The following CDCA5 variants were observed in gnomAD, a reference collection of about 807,000 sequenced individuals.
CDCA5 encodes sororin.
Under a neutral mutation model 25.7 loss-of-function variants are expected in CDCA5, and 14 were observed. The observed-to-expected ratio is 0.54, with a 90% CI of 0.36 to 0.85. The LOEUF (loss-of-function observed/expected upper bound fraction) is 0.85, where lower values mean the gene tolerates loss of function less well. CDCA5 is among the 40% of genes least tolerant of loss of function. CDCA5 has a pLI of 0.01. For missense variants in CDCA5, 307 were observed against 324.5 expected (o/e 0.95, Z 0.41); for synonymous variants, 127 against 128.7 (o/e 0.99, Z 0.09).
chr11:65,082,383 C>T (rs1352797151), intron 4 of CDCA5, among the ~76,000 whole-genome samples: 1 of 152,076 alleles, frequency 6.6e-6, no homozygotes, highest in Non-Finnish European at 1.5e-5. Flanking sequence ...AATTGCTATT[C>T]CCCGAACCTT....
exon 6 of CDCA5, chr11:65,066,560 A>G (rs929363700): frequency 3.7e-5 from 48 of 1,289,160 alleles, no homozygotes; most frequent in Non-Finnish European, 4.9e-5. Flanking sequence ...ACCTGAGCAG[A>G]GCCACCTCCG....
chr11:65,068,176 C>T, intron 2 of CDCA5: 1 of 1,106,146 alleles, frequency 9.0e-7, no homozygotes, highest in Non-Finnish European at 1.2e-6. Context: ...ACCCAAGAGC[C>T]TGGGTCCTCC....
rs1401292868 is a variant in CDCA5 at position 65,078,116 on chromosome 11, G to A, written c.*991C>T. ...CCCCCGCCGCTGTCTGGTACGCGAG[G>A]AAACTTTCCGAGGACTTTACAAGCA... On this transcript the variant is annotated 3_prime_UTR_variant, in exon 6 of 6. Transcript: ENST00000275517. 2 of 985,442 alleles carry A rather than the reference G, an allele frequency of 2.0e-6. No individual in the cohort carries two copies. Among genetic ancestry groups the A allele is most frequent in the South Asian group, 4.7e-5 (1 of 21,288 alleles). The allele number at this position is 985,442 out of a possible 1,614,324, so 61.0% of individuals were successfully genotyped here. A position where few individuals can be genotyped will look rare whatever the true frequency, so the allele number is the denominator to read the frequency against.
downstream of CDCA5, among the ~76,000 whole-genome samples, chr11:65,062,712 G>A (rs758236133): frequency 6.6e-6 from 1 of 152,082 alleles, no homozygotes; most frequent in Non-Finnish European, 1.5e-5. Flanking sequence ...CAGGAAGATC[G>A]CTTGAGTCCA....
downstream of CDCA5, among the ~76,000 whole-genome samples, chr11:65,073,514 G>A (rs114326153): frequency 8.2e-3 from 1,249 of 152,274 alleles, 17 homozygotes; most frequent in African/African-American, 0.028. Context: ...TGACGCAGGA[G>A]TGGGGAAAGA....
chr11:65,072,145 G>A lies in CDCA5; in HGVS notation c.64-3544C>T, dbSNP rs1297091212. On this transcript the variant is annotated intron_variant, in intron 1 of 6. Transcript: ENST00000525464. ...TGACATCAACCTCCTGACCAACTCC[G>A]TTAGAGAGATGGAATTGGCCTCACT... is the stretch of plus-strand genomic sequence containing the variant. Among the ~76,000 whole-genome samples, 6 of 152,226 alleles carry A rather than the reference G, an allele frequency of 3.9e-5. No homozygotes were observed. The South Asian group carries it at 8.3e-4, about 21-fold the overall frequency.
chr11:65,072,413 G>T (rs114000832), intron 1 of CDCA5, among the ~76,000 whole-genome samples: 35 of 152,224 alleles, frequency 2.3e-4, no homozygotes, highest in Admixed American at 2.1e-3. Context: ...GCTGTGTGGG[G>T]AACTGCCCTG....
downstream of CDCA5, among the ~76,000 whole-genome samples, chr11:65,072,798 A>G (rs141205576): frequency 6.6e-6 from 1 of 152,312 alleles, no homozygotes; most frequent in African/African-American, 2.4e-5. Flanking sequence ...CAGAGCAGAC[A>G]GAATGGAGCT....
chr11:65,068,677 T>C (rs1179282542), intron 1 of CDCA5: 2 of 903,122 alleles, frequency 2.2e-6, no homozygotes, highest in Non-Finnish European at 3.1e-6. Flanking sequence ...GTCTGGTTTT[T>C]AGGGGGCGGC....
At chr11:65,063,860 C>A (rs1009235976), downstream of CDCA5, among the ~76,000 whole-genome samples, 1 of 152,192 alleles carries the variant, frequency 6.6e-6, no homozygotes, top group Non-Finnish European at 1.5e-5. Flanking sequence ...TGCTGTGGGA[C>A]CTTCCTTGAC....
chr11:65,068,135 C>T (rs1947275689), intron 2 of CDCA5: 1 of 1,282,124 alleles, frequency 7.8e-7, no homozygotes, highest in Non-Finnish European at 1.0e-6. Flanking sequence ...AGAGAAAGCG[C>T]CAAGGTGACT....
At chr11:65,067,324 G>A (rs1245256281) in intron 4 of CDCA5, among the ~76,000 whole-genome samples, 1 of 152,190 alleles carries the variant, frequency 6.6e-6, no homozygotes, top group African/African-American at 2.4e-5. Context: ...ATGAATGGGA[G>A]AGCTGATCAC....
intron 4 of CDCA5, among the ~76,000 whole-genome samples, chr11:65,080,466 T>C (rs1947542869): frequency 6.6e-6 from 1 of 152,082 alleles, no homozygotes. Context: ...CAGGCTGGAG[T>C]GCAGTGGCAC....
Position 65,078,471 on chromosome 11 carries a change from T to C in CDCA5, c.*636A>G. On this transcript the variant is annotated 3_prime_UTR_variant, in exon 6 of 6. Coordinates refer to ENST00000275517, the MANE Select transcript of CDCA5 (RefSeq NM_080668.4). ...ACACAGCTTCTGTGTAGTACACACT[T>C]ATGGTCTGAGACCCAACTAAGGCTC... The C allele has an allele frequency of 1.0e-6, 1 of 985,560 alleles. No individual in the cohort carries two copies. Among genetic ancestry groups the C allele is most frequent in the Non-Finnish European group, 1.2e-6 (1 of 829,978 alleles). The allele number at this position is 985,560 out of a possible 1,614,324, so 61.1% of individuals were successfully genotyped here.
intron 1 of CDCA5, among the ~76,000 whole-genome samples, chr11:65,069,683 T>C (rs1340521896): frequency 6.6e-6 from 1 of 152,082 alleles, no homozygotes; most frequent in Non-Finnish European, 1.5e-5. Context: ...ATAAAAGTAA[T>C]TCACATGGAC....
chr11:65,067,473 G>A (rs1182395667), intron 4 of CDCA5, among the ~76,000 whole-genome samples: 1 of 152,172 alleles, frequency 6.6e-6, no homozygotes, highest in Non-Finnish European at 1.5e-5. Context: ...TCCAGAGCCC[G>A]ACATCCAGAG....
At chr11:65,062,167 G>A (rs966878935), downstream of CDCA5, among the ~76,000 whole-genome samples, 9 of 152,096 alleles carry the variant, frequency 5.9e-5, no homozygotes, top group African/African-American at 9.7e-5. Flanking sequence ...TGATCCGCCC[G>A]CCTTGGCCTC....
At chr11:65,061,317 C>T (rs1201081933), downstream of CDCA5, among the ~76,000 whole-genome samples, 1 of 152,174 alleles carries the variant, frequency 6.6e-6, no homozygotes, top group African/African-American at 2.4e-5. Flanking sequence ...CCAGCCAAGC[C>T]GTCAGAATAC....
At position 65,068,040 on chromosome 11, in the gene CDCA5, T is replaced by A; in HGVS notation, c.256A>T (p.Lys86Ter). The A allele has an allele frequency of 7.8e-7, 1 of 1,289,168 alleles. No homozygotes were observed. Among genetic ancestry groups the A allele is most frequent in the Non-Finnish European group, 1.0e-6 (1 of 988,662 alleles). 79.9% of individuals were successfully genotyped at this position (1,289,168 alleles called of 1,614,324 possible). A position where few individuals can be genotyped will look rare whatever the true frequency, so the allele number is the denominator to read the frequency against. The stretch of plus-strand genomic sequence containing the variant: ...ATGCAGCCTTACGATTCAGGGTCTT[T>A]TGGCTCAGTGGGCTCAGAGGTGTTC... The change falls in exon 3 of 7, where the codon AAA becomes TAA. Residue 86 changes from lysine to a stop codon, truncating the protein, a stop_gained. Transcript: ENST00000525464. LOFTEE classifies it high-confidence loss of function.
Sources: allele counts gnomAD v4.1 joint callset (sites outside exome capture counted in the v4.1 genomes callset), GRCh38; gene constraint gnomAD v4.1.1; transcripts MANE v1.5; gene names NCBI Gene and HGNC (gene_info 2026-07-23, HGNC 2026-07-21).